Variants in BIRC2 observed in about 807,000 individuals in gnomAD.
The protein encoded by BIRC2 is baculoviral IAP repeat-containing protein 2.
In BIRC2, 18 loss-of-function variants were observed where a neutral mutation model predicts 60.9. The ratio of observed to expected loss-of-function variants is 0.30; its 90% CI spans 0.20 to 0.44. The LOEUF (loss-of-function observed/expected upper bound fraction) is 0.44. BIRC2 is among the 20% of genes least tolerant of loss of function. The pLI is 1.00. For missense variants in BIRC2, 701 were observed against 728.5 expected (o/e 0.96, Z 0.43); for synonymous variants, 282 against 247.7 (o/e 1.14, Z -1.30).
At chr11:102,373,360 C>T (rs1951658561) in intron 6 of BIRC2, among the ~76,000 whole-genome samples, 2 of 152,080 alleles carry the variant, frequency 1.3e-5, no homozygotes, top group South Asian at 4.1e-4. Context: ...TAGGGCAGGC[C>T]TGGTGGTGAC....
intron 6 of BIRC2, 77 bp from the exon 7 acceptor site, chr11:102,377,419 T>G: frequency 7.9e-7 from 1 of 1,270,606 alleles, no homozygotes; most frequent in Non-Finnish European, 1.1e-6. Flanking sequence ...GTTTGTAGGG[T>G]TGGTTATTAG....
At chr11:102,366,461 G>T (rs1030329249) in intron 5 of BIRC2, among the ~76,000 whole-genome samples, 3 of 151,892 alleles carry the variant, frequency 2.0e-5, no homozygotes, top group Non-Finnish European at 4.4e-5. Flanking sequence ...CCACCCGCCG[G>T]GTTCACGCCA....
intron 6 of BIRC2, among the ~76,000 whole-genome samples, chr11:102,373,011 A>G (rs1951653087): frequency 6.6e-6 from 1 of 151,072 alleles, no homozygotes; most frequent in Non-Finnish European, 1.5e-5. Flanking sequence ...TTTGTTTTCC[A>G]TTTGCTTGGT....
chr11:102,351,697 A>AT (rs980110358), intron 3 of BIRC2, among the ~76,000 whole-genome samples: 16 of 150,158 alleles, frequency 1.1e-4, no homozygotes, highest in African/African-American at 2.0e-4. Context: ...TTTCTGTACA[A>AT]TTTTTTTTTG....
At chr11:102,365,762 G>C (rs1281270322) in intron 5 of BIRC2, among the ~76,000 whole-genome samples, 1 of 152,028 alleles carries the variant, frequency 6.6e-6, no homozygotes, top group Non-Finnish European at 1.5e-5. Flanking sequence ...GTGTGTGTGT[G>C]TGTGTGTGTT....
At chr11:102,351,630 A>AG (rs1352697740) in intron 3 of BIRC2, among the ~76,000 whole-genome samples, 7 of 150,346 alleles carry the variant, frequency 4.7e-5, no homozygotes, top group Non-Finnish European at 7.4e-5. Flanking sequence ...AAAAAAAAAA[A>AG]AAAAAAAGAA....
At chr11:102,364,045 A>G (rs12273698) in intron 5 of BIRC2, among the ~76,000 whole-genome samples, 9,508 of 149,950 alleles carry the variant, frequency 0.063, 358 homozygotes, top group Non-Finnish European at 0.08. Flanking sequence ...GCGAAACTCC[A>G]TCTCCAAAAA....
intron 6 of BIRC2, among the ~76,000 whole-genome samples, chr11:102,373,724 G>T (rs1308511970): frequency 1.3e-5 from 2 of 150,956 alleles, no homozygotes; most frequent in African/African-American, 4.9e-5. Flanking sequence ...TGCCTTGCTA[G>T]ATTGGGGAAG....
At position 102,348,672 on chromosome 11, in the gene BIRC2, A is replaced by T. The variant is rs1236486907; in HGVS notation, c.-1183A>T. ...AATAAATCCCATTATGGAGATCTCG[A>T]AACTTTATAAAGGGATATAGTTTGA... On this transcript the variant is annotated 5_prime_UTR_variant, in exon 2 of 9. The change creates a premature stop within an existing upstream ORF in the 5' untranslated region. Transcript: ENST00000227758. 1 of 372,214 alleles carries T rather than the reference A, an allele frequency of 2.7e-6. No homozygotes were observed. The highest frequency in any genetic ancestry group is 5.2e-6 in the Non-Finnish European group (1 of 191,920). 23.1% of individuals were successfully genotyped at this position (372,214 alleles called of 1,614,324 possible).
chr11:102,354,944 G>GTTTTTT (rs61520984), intron 3 of BIRC2, among the ~76,000 whole-genome samples: 69 of 89,618 alleles, frequency 7.7e-4, no homozygotes, highest in East Asian at 1.3e-3. Flanking sequence ...AATTATTTGG[G>GTTTTTT]TTTTTTTTTT....
At chr11:102,363,089 C>T (rs1951504263) in intron 4 of BIRC2, 115 bp downstream of exon 4, 5 of 719,572 alleles carry the variant, frequency 6.9e-6, no homozygotes, top group East Asian at 2.7e-5. Flanking sequence ...TGGCCAAAAC[C>T]GTGATCACTT....
chr11:102,378,415 A>T lies in BIRC2; in HGVS notation c.*232A>T, dbSNP rs1052774803. The T allele has an allele frequency of 2.8e-6, 1 of 356,352 alleles. No homozygotes were observed. The highest frequency in any genetic ancestry group is 2.1e-5 in the African/African-American group (1 of 46,946). The allele number at this position is 356,352 out of a possible 1,614,324, so 22.1% of individuals were successfully genotyped here. A position where few individuals can be genotyped will look rare whatever the true frequency, so the allele number is the denominator to read the frequency against. On this transcript the variant is annotated 3_prime_UTR_variant, in exon 9 of 9. Coordinates refer to ENST00000227758, the MANE Select transcript of BIRC2 (RefSeq NM_001166.5). ...TGTTTGGTGAACTATATTAGTATGT[A>T]TGTGTACCTAAGGGAGTAGTGTCAC...
intron 3 of BIRC2, among the ~76,000 whole-genome samples, chr11:102,351,499 C>T (rs1326046551): frequency 6.6e-6 from 1 of 150,860 alleles, no homozygotes; most frequent in African/African-American, 2.4e-5. Flanking sequence ...GCCGTAGTCC[C>T]AGCTTCTCGG....
intron 3 of BIRC2, among the ~76,000 whole-genome samples, chr11:102,359,498 A>G (rs1951460659): frequency 6.6e-6 from 1 of 151,782 alleles, no homozygotes; most frequent in South Asian, 2.1e-4. Context: ...AGCTTGGAGA[A>G]CTCTTCAGCG....
chr11:102,351,614 C>CAAAAAA lies in BIRC2; in HGVS notation c.995+689_995+694dup, dbSNP rs768269523. ...TGGGTAACAGAGCAAGACTCTGTCT[C>CAAAAAA]AAAAAAAAAAAAAAAAAAAAAAAGA... On this transcript the variant is annotated intron_variant, in intron 3 of 8. Coordinates refer to ENST00000227758, the MANE Select transcript of BIRC2 (RefSeq NM_001166.5). 1.2e-4 allele frequency among the ~76,000 whole-genome samples: 8 copies of CAAAAAA among 68,596 alleles called. 1 individual carries two copies. Among genetic ancestry groups the CAAAAAA allele is most frequent in the African/African-American group, 2.4e-4 (4 of 16,486 alleles). The allele number at this position is 68,596 out of a possible 152,430, so 45.0% of individuals were successfully genotyped here.
At chr11:102,367,165 C>T (rs948552595) in intron 5 of BIRC2, among the ~76,000 whole-genome samples, 2 of 152,354 alleles carry the variant, frequency 1.3e-5, no homozygotes, top group Admixed American at 6.5e-5. Flanking sequence ...CTGTTTCTAA[C>T]TTCTAATACC....
chr11:102,354,445 G>C (rs1951397854), intron 3 of BIRC2, among the ~76,000 whole-genome samples: 1 of 152,204 alleles, frequency 6.6e-6, no homozygotes, highest in Admixed American at 6.5e-5. Context: ...CTGATCTCAA[G>C]TGATCCACCC....
rs192120422 is a variant in BIRC2 at position 102,351,558 on chromosome 11, T to C, written c.995+615T>C. Among the ~76,000 whole-genome samples, 135 of 128,972 alleles carry C rather than the reference T, an allele frequency of 1.0e-3. 1 individual carries two copies. Among genetic ancestry groups the C allele is most frequent in the African/African-American group, 3.8e-3 (126 of 33,480 alleles). The allele number at this position is 128,972 out of a possible 152,430, so 84.6% of individuals were successfully genotyped here. ...TGAGCTCAGGAGGCGGAGGCTGCAG[T>C]GAGCCAGGATTGTGCCACTGAACTC... On this transcript the variant is annotated intron_variant, in intron 3 of 8. Transcript: ENST00000227758.
chr11:102,375,012 GC>G (rs1421680028), intron 6 of BIRC2, among the ~76,000 whole-genome samples: 2 of 152,216 alleles, frequency 1.3e-5, no homozygotes, highest in East Asian at 3.8e-4. Context: ...GCAATGCCTT[GC>G]CCTGCTTCGG....
Sources: allele counts gnomAD v4.1 joint callset (sites outside exome capture counted in the v4.1 genomes callset), GRCh38; gene constraint gnomAD v4.1.1; transcripts MANE v1.5; gene names NCBI Gene and HGNC (gene_info 2026-07-23, HGNC 2026-07-21).